The following DNAH5 variants were observed in gnomAD, a reference collection of about 807,000 sequenced individuals.
DNAH5 encodes axonemal beta dynein heavy chain 5.
DNAH5 carries 372 observed loss-of-function variants against 518.2 expected under a neutral mutation model. The ratio of observed to expected loss-of-function variants is 0.72; its 90% CI spans 0.66 to 0.78. The LOEUF (loss-of-function observed/expected upper bound fraction) is 0.78. DNAH5 is among the 30% of genes least tolerant of loss of function. The probability of loss-of-function intolerance (pLI) is 0.00; values close to 1 mark genes in which losing one functional copy is unlikely to be tolerated. For synonymous variants in DNAH5, 2,039 were observed against 2,025.9 expected, an observed-to-expected ratio of 1.01 and a Z score of -0.17; for missense variants, 5,523 against 5,687.0, an observed-to-expected ratio of 0.97 and a Z score of 0.93.
chr5:13,834,418 A>G (rs1236358440), intron 35 of DNAH5, among the ~76,000 whole-genome samples: 2 of 152,214 alleles, frequency 1.3e-5, no homozygotes, highest in African/African-American at 4.8e-5. Context: ...CCTCCCACAC[A>G]TGCTACTTCA....
intron 12 of DNAH5, among the ~76,000 whole-genome samples, chr5:13,907,526 G>A (rs1163532981): frequency 6.6e-6 from 1 of 152,160 alleles, no homozygotes; most frequent in Non-Finnish European, 1.5e-5. Flanking sequence ...CATTAAAGGT[G>A]AAACGTGTTG....
intron 44 of DNAH5, chr5:13,810,496 T>G: frequency 1.9e-6 from 1 of 515,458 alleles, no homozygotes; most frequent in South Asian, 2.5e-5. Flanking sequence ...CTCCCACCAC[T>G]TTGGGAGGCC....
chr5:13,763,301 G>A (rs1484889780), intron 59 of DNAH5, among the ~76,000 whole-genome samples: 3 of 152,202 alleles, frequency 2.0e-5, no homozygotes, highest in Non-Finnish European at 4.4e-5. Context: ...ACACCTAGGT[G>A]TATTCAGTCT....
intron 1 of DNAH5, among the ~76,000 whole-genome samples, chr5:13,997,361 A>T (rs1784042353): frequency 6.6e-6 from 1 of 152,228 alleles, no homozygotes; most frequent in Non-Finnish European, 1.5e-5. Flanking sequence ...ACACAAAAAC[A>T]ATTCAGCCAA....
chr5:13,734,442 G>A lies in DNAH5; in HGVS notation c.11761+689C>T, dbSNP rs186869077. On this transcript the variant is annotated intron_variant, in intron 68 of 78. Coordinates refer to ENST00000265104, the MANE Select transcript of DNAH5 (RefSeq NM_001369.3). The stretch of plus-strand genomic sequence containing the variant: ...TTCCAGCCTTCCGCTGGGCTGTTTC[G>A]TTTGAATGGCCCAGGGGACACGGCT... Among the ~76,000 whole-genome samples, 551 of 152,218 alleles carry A rather than the reference G, an allele frequency of 3.6e-3. 2 individuals are homozygous for A. Among genetic ancestry groups the A allele is most frequent in the Non-Finnish European group, 6.2e-3 (420 of 68,004 alleles).
intron 65 of DNAH5, among the ~76,000 whole-genome samples, chr5:13,741,054 C>A (rs6881967): frequency 0.31 from 47,083 of 152,050 alleles, 7,607 homozygotes; most frequent in African/African-American, 0.38. Context: ...CATCTCTTTT[C>A]AAATTGATAA....
At chr5:13,744,673 C>T (rs767984212) in intron 65 of DNAH5, among the ~76,000 whole-genome samples, 1 of 151,956 alleles carries the variant, frequency 6.6e-6, no homozygotes, top group Non-Finnish European at 1.5e-5. Flanking sequence ...GGTAAAATTT[C>T]GTGAACATAG....
At chr5:13,797,882 G>A (rs1452488659) in intron 47 of DNAH5, among the ~76,000 whole-genome samples, 1 of 152,248 alleles carries the variant, frequency 6.6e-6, no homozygotes, top group East Asian at 1.9e-4. Context: ...CCATAAAAAA[G>A]GATGAGTTAA....
chr5:13,808,978 T>C, intron 46 of DNAH5, 66 bp downstream of exon 46: 1 of 1,580,620 alleles, frequency 6.3e-7, no homozygotes, highest in Non-Finnish European at 8.7e-7. Flanking sequence ...ACTAAATAAA[T>C]AAATGCAGGA....
intron 12 of DNAH5, among the ~76,000 whole-genome samples, chr5:13,909,357 G>A (rs1775710431): frequency 1.3e-5 from 2 of 152,226 alleles, no homozygotes; most frequent in Middle Eastern, 3.4e-3. Flanking sequence ...TAAAAGTTAT[G>A]TGAATGTGGC....
chr5:13,921,770 A>G (rs1244045054), intron 5 of DNAH5, among the ~76,000 whole-genome samples: 2 of 129,062 alleles, frequency 1.5e-5, no homozygotes, highest in Non-Finnish European at 3.3e-5. Context: ...ACACACACAC[A>G]CTTCAGTTCC....
At chr5:13,960,972 T>C (rs1434197996) in intron 1 of DNAH5, among the ~76,000 whole-genome samples, 1 of 152,046 alleles carries the variant, frequency 6.6e-6, no homozygotes, top group Non-Finnish European at 1.5e-5. Flanking sequence ...CCCTACCTTC[T>C]TCAGTATCCT....
At chr5:13,921,853 T>A (rs1454202905) in intron 5 of DNAH5, among the ~76,000 whole-genome samples, 1 of 151,806 alleles carries the variant, frequency 6.6e-6, no homozygotes, top group Non-Finnish European at 1.5e-5. Flanking sequence ...GTCACTCATC[T>A]GACTGACTGA....
At chr5:13,969,967 G>A (rs149514780) in intron 1 of DNAH5, among the ~76,000 whole-genome samples, 1 of 151,968 alleles carries the variant, frequency 6.6e-6, no homozygotes, top group African/African-American at 2.4e-5. Flanking sequence ...TTATAAATTT[G>A]GGAGCTCCAG....
intron 5 of DNAH5, 111 bp from the exon 6 acceptor site, chr5:13,920,728 C>T (rs544799303): frequency 7.6e-5 from 88 of 1,165,028 alleles, no homozygotes; most frequent in Non-Finnish European, 1.0e-5. Flanking sequence ...GAAAGCCCAC[C>T]AGGTAGCACA....
chr5:13,766,208 C>T (rs1315603809), intron 58 of DNAH5, 29 bp from the exon 59 acceptor site: 4 of 1,611,106 alleles, frequency 2.5e-6, no homozygotes, highest in Non-Finnish European at 3.4e-6. Flanking sequence ...GATCACCCAA[C>T]CACAGATAGG....
At chr5:13,899,190 C>T (rs2151959510) in intron 15 of DNAH5, 1 of 152,230 alleles carries the variant, frequency 6.6e-6, no homozygotes, top group Non-Finnish European at 1.5e-5. Flanking sequence ...CTCAGCCTCC[C>T]AAAGTGCTGG....
chr5:13,770,522 T>C (rs1753189321), intron 56 of DNAH5, among the ~76,000 whole-genome samples: 1 of 152,110 alleles, frequency 6.6e-6, no homozygotes, highest in Admixed American at 6.5e-5. Context: ...CCACGGACAT[T>C]TGGGGCTGGA....
intron 47 of DNAH5, among the ~76,000 whole-genome samples, chr5:13,798,498 ATGT>A (rs1465842442): frequency 6.6e-6 from 1 of 152,154 alleles, no homozygotes; most frequent in African/African-American, 2.4e-5. Context: ...CATGTTAAAG[ATGT>A]TGTATAAATA....
Sources: allele counts gnomAD v4.1 joint callset (sites outside exome capture counted in the v4.1 genomes callset), GRCh38; gene constraint gnomAD v4.1.1; transcripts MANE v1.5; gene names NCBI Gene and HGNC (gene_info 2026-07-23, HGNC 2026-07-21).